Variants in AFG2A observed in about 807,000 individuals in gnomAD.
The protein encoded by AFG2A is ATPase family gene 2 protein homolog A.
chr4:122,992,980 G>GTGTGTGTGTGTGTGTGTA, the AFG2A span, among the ~76,000 whole-genome samples: 1 of 151,286 alleles, frequency 6.6e-6, no homozygotes. Flanking sequence ...GTGTGTATGT[G>GTGTGTGTGTGTGTGTGTA]TGTGTGTGTG....
At chr4:123,058,174 G>A in the AFG2A span, among the ~76,000 whole-genome samples, 2 of 152,128 alleles carry the variant, frequency 1.3e-5, no homozygotes, top group Admixed American at 6.5e-5. Context: ...AGACATACTC[G>A]AGACTGGGTA....
chr4:123,258,872 T>G, the AFG2A span, among the ~76,000 whole-genome samples: 3 of 146,678 alleles, frequency 2.0e-5, no homozygotes, highest in East Asian at 3.9e-4. Context: ...TTTTTTTTTT[T>G]TTTTTTTTTT....
At chr4:123,197,517 C>T in the AFG2A span, among the ~76,000 whole-genome samples, 1 of 152,134 alleles carries the variant, frequency 6.6e-6, no homozygotes, top group Non-Finnish European at 1.5e-5. Flanking sequence ...CGCCTGTAAT[C>T]CGAGCACTTT....
chr4:123,291,584 G>T, the AFG2A span, among the ~76,000 whole-genome samples: 1 of 152,130 alleles, frequency 6.6e-6, no homozygotes, highest in African/African-American at 2.4e-5. Context: ...AATTAGTTTT[G>T]CAGGATAGAA....
chr4:123,142,741 T>C, the AFG2A span, among the ~76,000 whole-genome samples: 34 of 152,276 alleles, frequency 2.2e-4, no homozygotes, highest in Non-Finnish European at 4.6e-4. Flanking sequence ...CTTTACCTAA[T>C]ACAGGATTGC....
chr4:123,249,276 G>A, the AFG2A span, among the ~76,000 whole-genome samples: 1 of 152,180 alleles, frequency 6.6e-6, no homozygotes, highest in Admixed American at 6.5e-5. Context: ...CGAAAACAGG[G>A]AGGCAGAAAG....
the AFG2A span, among the ~76,000 whole-genome samples, chr4:123,192,623 T>A: frequency 6.6e-6 from 1 of 152,352 alleles, no homozygotes; most frequent in South Asian, 2.1e-4. Flanking sequence ...AAAGAACATC[T>A]CCTTCACTGA....
the AFG2A span, among the ~76,000 whole-genome samples, chr4:122,938,746 A>G: frequency 3.9e-5 from 6 of 151,936 alleles, no homozygotes; most frequent in Middle Eastern, 3.4e-3. Context: ...ATGCACCATC[A>G]CACCTGGCTA....
At chr4:123,177,686 A>G in the AFG2A span, among the ~76,000 whole-genome samples, 1 of 152,230 alleles carries the variant, frequency 6.6e-6, no homozygotes, top group Non-Finnish European at 1.5e-5. Flanking sequence ...AGGAAAGAAG[A>G]AAACTTAACT....
At chr4:123,151,852 A>G in the AFG2A span, among the ~76,000 whole-genome samples, 1 of 152,344 alleles carries the variant, frequency 6.6e-6, no homozygotes, top group Non-Finnish European at 1.5e-5. Context: ...CACTATTCAC[A>G]ATAGTAAAAA....
At chr4:123,220,864 A>T in the AFG2A span, among the ~76,000 whole-genome samples, 4 of 152,286 alleles carry the variant, frequency 2.6e-5, no homozygotes, top group African/African-American at 9.6e-5. Context: ...AATATTGTGT[A>T]AGATTGGCAC....
At chr4:123,285,477 TCCTGTCAG>T in the AFG2A span, among the ~76,000 whole-genome samples, 1 of 152,064 alleles carries the variant, frequency 6.6e-6, no homozygotes, top group South Asian at 2.1e-4. Flanking sequence ...ATCACCCCGG[TCCTGTCAG>T]ACTACTTTTG....
the AFG2A span, among the ~76,000 whole-genome samples, chr4:123,134,984 T>G: frequency 6.6e-6 from 1 of 152,180 alleles, no homozygotes; most frequent in Admixed American, 6.5e-5. Flanking sequence ...GTATTCCTGA[T>G]GATCATTGAT....
chr4:123,300,244 A>C, the AFG2A span, among the ~76,000 whole-genome samples: 1 of 152,220 alleles, frequency 6.6e-6, no homozygotes, highest in Admixed American at 6.5e-5. Context: ...ATTTTGGTTA[A>C]GGTTTTCAAA....
chr4:123,267,236 C>T, the AFG2A span, among the ~76,000 whole-genome samples: 1 of 152,106 alleles, frequency 6.6e-6, no homozygotes, highest in East Asian at 1.9e-4. Context: ...TTAACCATGC[C>T]TTAGACTGAC....
the AFG2A span, among the ~76,000 whole-genome samples, chr4:123,172,734 ATT>A: frequency 6.6e-6 from 1 of 152,138 alleles, no homozygotes; most frequent in Non-Finnish European, 1.5e-5. Flanking sequence ...AGATTTTCCC[ATT>A]AAGATGTTGC....
At chr4:123,036,115 CCTT>C in the AFG2A span, among the ~76,000 whole-genome samples, 2 of 152,018 alleles carry the variant, frequency 1.3e-5, no homozygotes, top group African/African-American at 2.4e-5. Flanking sequence ...AAAAATAACA[CCTT>C]CTGTGTGTCA....
At chr4:123,021,353 G>A in the AFG2A span, among the ~76,000 whole-genome samples, 1 of 150,398 alleles carries the variant, frequency 6.6e-6, no homozygotes, top group East Asian at 2.0e-4. Flanking sequence ...ATGACAAACA[G>A]TCTTCACCAA....
At chr4:123,215,759 A>G in the AFG2A span, among the ~76,000 whole-genome samples, 1 of 152,140 alleles carries the variant, frequency 6.6e-6, no homozygotes, top group African/African-American at 2.4e-5. Context: ...AGGGATATTT[A>G]TTGCCTGAAT....
Sources: allele counts gnomAD v4.1 joint callset (sites outside exome capture counted in the v4.1 genomes callset), GRCh38; gene constraint gnomAD v4.1.1; transcripts MANE v1.5; gene names NCBI Gene and HGNC (gene_info 2026-07-23, HGNC 2026-07-21).